Variants in PXK observed in about 807,000 individuals in gnomAD.
The protein encoded by PXK is PX domain containing serine/threonine kinase like, also known as PX domain-containing protein kinase-like protein.
Under a neutral mutation model 84.7 loss-of-function variants are expected in PXK, and 35 were observed. The ratio of observed to expected loss-of-function variants is 0.41; its 90% CI spans 0.32 to 0.55. The LOEUF (loss-of-function observed/expected upper bound fraction) is 0.55, where lower values mean the gene tolerates loss of function less well. Among genes scored for constraint, PXK ranks in the 20% least tolerant of loss-of-function variants. PXK has a pLI of 0.21. For missense variants in PXK, 634 were observed against 699.7 expected (o/e 0.91, Z 1.06); for synonymous variants, 253 against 260.8 (o/e 0.97, Z 0.29).
intron 1 of PXK, among the ~76,000 whole-genome samples, chr3:58,341,404 G>T (rs1363234286): frequency 6.6e-6 from 1 of 151,878 alleles, no homozygotes; most frequent in Non-Finnish European, 1.5e-5. Context: ...GCTACTAAAA[G>T]TACAAAAATT....
intron 1 of PXK, among the ~76,000 whole-genome samples, chr3:58,357,309 C>T (rs1260285447): frequency 6.6e-6 from 1 of 151,436 alleles, no homozygotes; most frequent in African/African-American, 2.4e-5. Context: ...AAGACATAAA[C>T]ACACACATTA....
intron 1 of PXK, among the ~76,000 whole-genome samples, chr3:58,350,601 A>T (rs1298533776): frequency 6.6e-6 from 1 of 152,148 alleles, no homozygotes; most frequent in Non-Finnish European, 1.5e-5. Flanking sequence ...TATTCTCATC[A>T]CATACTAGTG....
chr3:58,355,425 T>C (rs905169691), intron 1 of PXK, among the ~76,000 whole-genome samples: 1 of 152,294 alleles, frequency 6.6e-6, no homozygotes, highest in East Asian at 1.9e-4. Context: ...GCTAGGCTGG[T>C]TTGAAGGTTT....
At chr3:58,367,914 A>G (rs968449194) in intron 2 of PXK, among the ~76,000 whole-genome samples, 1 of 151,678 alleles carries the variant, frequency 6.6e-6, no homozygotes, top group Non-Finnish European at 1.5e-5. Flanking sequence ...GGAACTCCTG[A>G]GCTCGAGCAA....
At chr3:58,369,553 G>T in intron 3 of PXK, 75 bp downstream of exon 3, 1 of 1,201,680 alleles carries the variant, frequency 8.3e-7, no homozygotes, top group South Asian at 1.3e-5. Flanking sequence ...GTCGGGGCAC[G>T]GTGGCTCAAC....
In PXK at chr3:58,370,752, A is replaced by C. The variant is rs2108528866; in HGVS notation, c.201+1274A>C. On this transcript the variant is annotated intron_variant, in intron 3 of 17. Transcript: ENST00000356151. This position sits in a 1 kb window ranked among gnomAD's most constrained non-coding sequence, Gnocchi z 4.2. ...CGTGGCTCACTCCCGTAATCCCAGC[A>C]CTTTGGGAGGCTGAGGCGGGTGGAT... 6.6e-6 allele frequency among the ~76,000 whole-genome samples: 1 copy of C among 152,260 alleles called. No individual in the cohort carries two copies. The highest frequency in any genetic ancestry group is 1.9e-4 in the East Asian group (1 of 5,182).
At chr3:58,378,504 TTTTTTTTTTGTGTGTGTGTGTGTGTGTG>T (rs1423748174) in intron 3 of PXK, among the ~76,000 whole-genome samples, 2 of 72,726 alleles carry the variant, frequency 2.8e-5, no homozygotes, top group Non-Finnish European at 5.7e-5. Context: ...TTTTTTTTTT[TTTTTTTTTTGTGTGTGTGTGTGTGTGTG>T]TGTGTGTGTG....
rs1266133544 is a variant in PXK at position 58,383,662 on chromosome 3, G to A, written c.388+962G>A. Among the ~76,000 whole-genome samples the A allele has an allele frequency of 6.6e-6, 1 of 152,218 alleles. No individual in the cohort carries two copies. ...AAGCTGGCATGAATAACCTAAGCCT[G>A]ATGTCAGCAGAATGAGAAACTAAAT... On this transcript the variant is annotated intron_variant, in intron 4 of 17. Coordinates refer to ENST00000356151, the MANE Select transcript of PXK (RefSeq NM_017771.5). The surrounding 1 kb of genome is among the most constrained non-coding windows in gnomAD (Gnocchi z 4.0).
chr3:58,346,592 T>G (rs931912791), intron 1 of PXK, among the ~76,000 whole-genome samples: 1 of 152,174 alleles, frequency 6.6e-6, no homozygotes, highest in Non-Finnish European at 1.5e-5. Context: ...ATAGATGACA[T>G]TGTTTAAGCT....
Position 58,400,191 on chromosome 3 carries a change from T to C in PXK, c.1181+814T>C, listed in dbSNP as rs1454546429. Among the ~76,000 whole-genome samples the C allele has an allele frequency of 6.6e-6, 1 of 151,996 alleles. No individual in the cohort carries two copies. The highest frequency in any genetic ancestry group is 1.5e-5 in the Non-Finnish European group (1 of 68,000). The stretch of plus-strand genomic sequence containing the variant: ...AATAAGTTCCCACCTCAGAAGGTAG[T>C]TGGGAGGATTTAATGAGGTGATTCC... On this transcript the variant is annotated intron_variant, in intron 12 of 17. Transcript: ENST00000356151. The surrounding 1 kb of genome is among the most constrained non-coding windows in gnomAD (Gnocchi z 4.0).
intron 3 of PXK, among the ~76,000 whole-genome samples, chr3:58,381,978 A>C (rs62258081): frequency 0.29 from 44,610 of 152,022 alleles, 7,328 homozygotes; most frequent in Middle Eastern, 0.39. Context: ...TTTTTATGTA[A>C]CTTTAGTAAA....
In PXK at chr3:58,385,533, C is replaced by A. The variant is rs1331989717; in HGVS notation, c.388+2833C>A. Among the ~76,000 whole-genome samples the A allele has an allele frequency of 1.3e-5, 2 of 152,184 alleles. No homozygotes were observed. The highest frequency in any genetic ancestry group is 4.8e-5 in the African/African-American group (2 of 41,436). On this transcript the variant is annotated intron_variant, in intron 4 of 17. Transcript: ENST00000356151. The surrounding 1 kb of genome is among the most constrained non-coding windows in gnomAD (Gnocchi z 5.1). ...TTGTTTTTTGAGCAAGGGTCTCACT[C>A]TGTTGCCCAGGCTGGAGCGCAGTGG...
chr3:58,339,219 TTTTTTTTTG>T lies in PXK; in HGVS notation c.102+6138_102+6146del, dbSNP rs1304621791. 5.8e-4 allele frequency among the ~76,000 whole-genome samples: 67 copies of T among 116,016 alleles called. 1 individual carries two copies. The highest frequency in any genetic ancestry group is 2.5e-3 in the African/African-American group (62 of 25,216). 76.1% of individuals were successfully genotyped at this position (116,016 alleles called of 152,430 possible). On this transcript the variant is annotated intron_variant, in intron 1 of 17. Coordinates refer to ENST00000356151, the MANE Select transcript of PXK (RefSeq NM_017771.5). ...TGTTGTTGTTGGGTTTTGTGGGGGG[TTTTTTTTTG>T]TTTTTTTTTGTTTTTTTTTTTAGAC...
At chr3:58,402,937 C>G (rs1004355340) in intron 12 of PXK, among the ~76,000 whole-genome samples, 1 of 151,868 alleles carries the variant, frequency 6.6e-6, no homozygotes, top group Non-Finnish European at 1.5e-5. Flanking sequence ...TTTAGTATTT[C>G]TGCTGCTCTC....
Position 58,333,269 on chromosome 3 carries a change from A to T in PXK, c.102+179A>T. The T allele has an allele frequency of 3.8e-6, 1 of 264,522 alleles. No individual in the cohort carries two copies. The highest frequency in any genetic ancestry group is 6.5e-6 in the Non-Finnish European group (1 of 153,780). The allele number at this position is 264,522 out of a possible 1,614,324, so 16.4% of individuals were successfully genotyped here. ...GTCTGGGTCAGGGCCCCTGGGGCCC[A>T]GGCGAACGCTGAGGCCCGGAGGGGC... On this transcript the variant is annotated intron_variant, in intron 1 of 17. Transcript: ENST00000356151. This position sits in a 1 kb window ranked among gnomAD's most constrained non-coding sequence, Gnocchi z 5.4.
intron 1 of PXK, among the ~76,000 whole-genome samples, chr3:58,356,764 C>T (rs187478163): frequency 6.6e-4 from 100 of 151,806 alleles, no homozygotes; most frequent in South Asian, 2.7e-3. Flanking sequence ...CCTCCATGCC[C>T]GGCTAATTTT....
rs555177198 is a variant in PXK, at chr3:58,400,453, G to A, written c.1181+1076G>A. On this transcript the variant is annotated intron_variant, in intron 12 of 17. Transcript: ENST00000356151. The surrounding 1 kb of genome is among the most constrained non-coding windows in gnomAD (Gnocchi z 4.0). Reference sequence around the variant, plus strand: ...AGGTAGAGATAACTTCCGGTTCCTGGTTCTTTCTTTCCACAAGTGTTTAGA... The same window carrying A: ...AGGTAGAGATAACTTCCGGTTCCTGATTCTTTCTTTCCACAAGTGTTTAGA... Among the ~76,000 whole-genome samples, 3 of 152,322 alleles carry A rather than the reference G, an allele frequency of 2.0e-5. No individual in the cohort carries two copies. In the East Asian group the frequency reaches 5.8e-4, roughly 29 times the overall value.
intron 1 of PXK, among the ~76,000 whole-genome samples, chr3:58,339,338 C>T (rs1373552173): frequency 6.6e-6 from 1 of 151,238 alleles, no homozygotes; most frequent in Non-Finnish European, 1.5e-5. Context: ...TCAAGTGCTT[C>T]TCTTGCCTTG....
At position 58,350,635 on chromosome 3, in the gene PXK, A is replaced by C. The variant is rs564518189; in HGVS notation, c.103-15239A>C. On this transcript the variant is annotated intron_variant, in intron 1 of 17. Coordinates refer to ENST00000356151, the MANE Select transcript of PXK (RefSeq NM_017771.5). ...TGGTGCGCCCTTGTTTAAGGCATCT[A>C]CCCTCTCTGAGCTTCAGGGTTTTTG... Among the ~76,000 whole-genome samples the C allele has an allele frequency of 1.4e-4, 21 of 152,100 alleles. No homozygotes were observed. The East Asian group carries it at 2.1e-3, about 15-fold the overall frequency.
Sources: allele counts gnomAD v4.1 joint callset (sites outside exome capture counted in the v4.1 genomes callset), GRCh38; gene constraint gnomAD v4.1.1; non-coding constraint Gnocchi (gnomAD v3.1); transcripts MANE v1.5; gene names NCBI Gene and HGNC (gene_info 2026-07-23, HGNC 2026-07-21).